The following VCP variants were observed in gnomAD, a reference collection of about 807,000 sequenced individuals.
VCP encodes valosin containing protein, also known as transitional endoplasmic reticulum ATPase.
In VCP, 6 loss-of-function variants were observed where a neutral mutation model predicts 85.7. The ratio of observed to expected loss-of-function variants is 0.07; its 90% CI spans 0.04 to 0.14. The LOEUF (loss-of-function observed/expected upper bound fraction) is 0.14, where lower values mean the gene tolerates loss of function less well. VCP is among the 10% of genes least tolerant of loss of function. VCP has a pLI of 1.00. For missense variants in VCP, 353 were observed against 1,043.4 expected, an observed-to-expected ratio of 0.34 and a Z score of 9.12; for synonymous variants, 384 against 367.1, an observed-to-expected ratio of 1.05 and a Z score of -0.53.
Position 35,060,303 on chromosome 9 carries a change from T to C in VCP, c.1695+10A>G, listed in dbSNP as rs1368126230. 6.2e-7 allele frequency: 1 copy of C among 1,613,980 alleles called. No individual in the cohort carries two copies. The highest frequency in any genetic ancestry group is 1.1e-5 in the South Asian group (1 of 91,080). On this transcript the variant is annotated intron_variant, in intron 13 of 16. Transcript: ENST00000358901. ...CAAATCAATACATAGTTCAGCCTATTGTAGCTCACCTTGTCAAAGATTTCT... is the reference window on the plus strand; with the variant it reads ...CAAATCAATACATAGTTCAGCCTATCGTAGCTCACCTTGTCAAAGATTTCT...
chr9:35,057,749 G>C (rs1828639589), intron 15 of VCP: 1 of 627,752 alleles, frequency 1.6e-6, no homozygotes, highest in Non-Finnish European at 2.8e-6. Flanking sequence ...AATCACATCA[G>C]TGATGGGGCT....
intron 4 of VCP, 30 bp downstream of exon 4, chr9:35,066,645 A>G: frequency 6.2e-7 from 1 of 1,613,428 alleles, no homozygotes; most frequent in Non-Finnish European, 8.5e-7. Flanking sequence ...CCTACAGTCA[A>G]TAATCCTTAA....
At chr9:35,068,420 TA>T in intron 1 of VCP, 58 bp from the exon 2 acceptor site, 1 of 1,410,964 alleles carries the variant, frequency 7.1e-7, no homozygotes, top group Non-Finnish European at 1.0e-6. Context: ...CGCCAGTCTC[TA>T]AAACTCATAC....
rs1370757513 is a variant in VCP at position 35,060,000 on chromosome 9, C to T, written c.1696-199G>A. On this transcript the variant is annotated intron_variant, in intron 13 of 16. Coordinates refer to ENST00000358901, the MANE Select transcript of VCP (RefSeq NM_007126.5). The surrounding 1 kb of genome is among the most constrained non-coding windows in gnomAD (Gnocchi z 4.9). ...ATAAAAAATTAGCCAGATGTGGTGACGCATGCCTATAGTCCCAGCTACTCA... is the reference window on the plus strand; with the variant it reads ...ATAAAAAATTAGCCAGATGTGGTGATGCATGCCTATAGTCCCAGCTACTCA... The T allele has an allele frequency of 2.6e-5, 18 of 704,450 alleles. No individual in the cohort carries two copies. The Admixed American group carries it at 4.1e-4, about 16-fold the overall frequency. 43.6% of individuals were successfully genotyped at this position (704,450 alleles called of 1,614,324 possible).
chr9:35,063,359 A>T (rs1828764227), intron 6 of VCP, among the ~76,000 whole-genome samples: 1 of 152,214 alleles, frequency 6.6e-6, no homozygotes, highest in Admixed American at 6.5e-5. Flanking sequence ...TTGAAGATAC[A>T]TGACTAGGGA....
At chr9:35,062,939 T>C (rs146677446) in intron 7 of VCP, 39 bp downstream of exon 7, 59 of 1,606,758 alleles carry the variant, frequency 3.7e-5, no homozygotes, top group African/African-American at 2.1e-4. Flanking sequence ...CAGTTCAAAA[T>C]TGGGTCTAGC....
rs762247929 is a variant in VCP, at chr9:35,059,748, G to C, written c.1749C>G (p.Ala583=). 1 of 1,614,078 alleles carries C rather than the reference G, an allele frequency of 6.2e-7. No individual in the cohort carries two copies. The highest frequency in any genetic ancestry group is 1.7e-5 in the Admixed American group (1 of 60,004). ...VLFFDELDSI[A]KARGGNIGDG... Reference sequence around the variant, plus strand: ...CTCCAATGTTACCTCCACGAGCCTTGGCAATCGAATCCAGCTCATCAAAGA... The same window carrying C: ...CTCCAATGTTACCTCCACGAGCCTTCGCAATCGAATCCAGCTCATCAAAGA... Residue 583 remains alanine, a synonymous_variant, in exon 14 of 17, where the codon GCC becomes GCG. Coordinates refer to ENST00000358901, the MANE Select transcript of VCP (RefSeq NM_007126.5). This position sits in a 1 kb window ranked among gnomAD's most constrained non-coding sequence, Gnocchi z 4.9.
intron 4 of VCP, among the ~76,000 whole-genome samples, chr9:35,065,951 C>A (rs1030046406): frequency 4.6e-5 from 7 of 152,048 alleles, no homozygotes; most frequent in African/African-American, 1.7e-4. Context: ...CATGGTGAAA[C>A]CCCGTCTCTA....
intron 1 of VCP, chr9:35,071,674 T>C: frequency 1.0e-6 from 1 of 980,728 alleles, no homozygotes; most frequent in South Asian, 4.7e-5. Context: ...AGGCCTAAAG[T>C]AAGAAGACCA....
chr9:35,068,168 T>C (rs944516650), intron 2 of VCP, 83 bp downstream of exon 2: 2 of 1,606,586 alleles, frequency 1.2e-6, no homozygotes, highest in African/African-American at 1.3e-5. Context: ...CTGCAGTCAC[T>C]GCAAGAAAAA....
At chr9:35,061,276 G>A (rs1587122280) in intron 10 of VCP, 97 bp from the exon 11 acceptor site, 7 of 1,533,252 alleles carry the variant, frequency 4.6e-6, no homozygotes, top group Non-Finnish European at 6.3e-6. Flanking sequence ...GCTATCCCTG[G>A]GTCCTCTCAT....
intron 4 of VCP, among the ~76,000 whole-genome samples, 160 bp downstream of exon 4, chr9:35,066,515 C>T (rs1456784613): frequency 1.3e-5 from 2 of 150,260 alleles, no homozygotes; most frequent in Non-Finnish European, 3.0e-5. Context: ...GTGTGAGCCA[C>T]GGTGCCCAGC....
chr9:35,067,689 T>C (rs1415698410), intron 3 of VCP, among the ~76,000 whole-genome samples: 1 of 152,194 alleles, frequency 6.6e-6, no homozygotes, highest in Non-Finnish European at 1.5e-5. Flanking sequence ...TCAAGGGACC[T>C]GCAGAAATGG....
intron 4 of VCP, among the ~76,000 whole-genome samples, 157 bp from the exon 5 acceptor site, chr9:35,065,538 T>C (rs1044972894): frequency 6.6e-6 from 1 of 152,178 alleles, no homozygotes; most frequent in Non-Finnish European, 1.5e-5. Flanking sequence ...CCTGTCTTAA[T>C]AAGCAGCAGG....
At chr9:35,071,761 G>A (rs1051700817) in intron 1 of VCP, 1 of 989,298 alleles carries the variant, frequency 1.0e-6, no homozygotes, top group Non-Finnish European at 1.2e-6. Flanking sequence ...GCCCACCTCC[G>A]GCCCCGCCGA....
chr9:35,060,647 AG>A, intron 12 of VCP, 122 bp from the exon 13 acceptor site: 2 of 1,522,194 alleles, frequency 1.3e-6, no homozygotes, highest in Non-Finnish European at 1.8e-6. Flanking sequence ...CAGGTTCTCT[AG>A]AAGAAGACTC....
At chr9:35,057,303 T>G in intron 16 of VCP, 73 bp downstream of exon 16, 1 of 1,613,892 alleles carries the variant, frequency 6.2e-7, no homozygotes, top group Non-Finnish European at 8.5e-7. Context: ...CTAGCTTCCT[T>G]AGGACTCCCA....
intron 10 of VCP, 68 bp from the exon 11 acceptor site, chr9:35,061,247 T>C (rs764460664): frequency 3.2e-5 from 51 of 1,601,938 alleles, no homozygotes; most frequent in African/African-American, 8.0e-5. Flanking sequence ...TCAGAGACAA[T>C]AGAATCCTTC....
rs373785808 is a variant in VCP, at chr9:35,061,976, G to A, written c.1081+27C>T. On this transcript the variant is annotated intron_variant, in intron 9 of 16. Coordinates refer to ENST00000358901, the MANE Select transcript of VCP (RefSeq NM_007126.5). Reference sequence around the variant, plus strand: ...AGAGAAGTAGGACCTAAGCAAGGACGGGGTCAAAAGTATCTGGAGTCCTTA... The same window carrying A: ...AGAGAAGTAGGACCTAAGCAAGGACAGGGTCAAAAGTATCTGGAGTCCTTA... 9.8e-4 allele frequency: 1,575 copies of A among 1,614,154 alleles called. 26 individuals are homozygous for A. In the South Asian group the frequency reaches 0.016, roughly 16 times the overall value.
Sources: allele counts gnomAD v4.1 joint callset (sites outside exome capture counted in the v4.1 genomes callset), GRCh38; gene constraint gnomAD v4.1.1; non-coding constraint Gnocchi (gnomAD v3.1); transcripts MANE v1.5; gene names NCBI Gene and HGNC (gene_info 2026-07-23, HGNC 2026-07-21).